AKAP19: variants seen among roughly 807,000 people sequenced by gnomAD.
AKAP19 encodes small A-kinase anchoring protein.
the AKAP19 span, among the ~76,000 whole-genome samples, chr2:189,984,316 G>A: frequency 1.3e-5 from 2 of 152,102 alleles, no homozygotes; most frequent in African/African-American, 4.8e-5. Flanking sequence ...ACCCCTAGGT[G>A]CGCATTCTCT....
the AKAP19 span, among the ~76,000 whole-genome samples, chr2:189,972,003 A>T: frequency 1.3e-5 from 2 of 151,956 alleles, no homozygotes; most frequent in East Asian, 1.9e-4. Context: ...CCCATTTGTC[A>T]ATTTTGGCTT....
At chr2:190,064,116 A>T in the AKAP19 span, among the ~76,000 whole-genome samples, 1 of 152,090 alleles carries the variant, frequency 6.6e-6, no homozygotes, top group Non-Finnish European at 1.5e-5. Flanking sequence ...CTAAAATGCA[A>T]CTCAGTAGCC....
the AKAP19 span, among the ~76,000 whole-genome samples, chr2:189,992,231 T>G: frequency 1.3e-5 from 2 of 151,978 alleles, no homozygotes; most frequent in Non-Finnish European, 2.9e-5. Context: ...AATTTTTGTA[T>G]TTTTAGTAGA....
chr2:189,952,304 T>C, the AKAP19 span, among the ~76,000 whole-genome samples: 3 of 152,206 alleles, frequency 2.0e-5, no homozygotes, highest in African/African-American at 7.2e-5. Context: ...AAGAAAGTTT[T>C]TCCTCCCCTA....
chr2:189,907,998 A>G, the AKAP19 span, among the ~76,000 whole-genome samples: 3 of 151,972 alleles, frequency 2.0e-5, no homozygotes, highest in Admixed American at 1.3e-4. Context: ...TGTCAAAAAA[A>G]TCGTTCTTAG....
the AKAP19 span, among the ~76,000 whole-genome samples, chr2:189,908,572 T>C: frequency 1.3e-5 from 2 of 152,206 alleles, no homozygotes; most frequent in Non-Finnish European, 2.9e-5. Flanking sequence ...TTTTTGTTTA[T>C]CTTAAGATAC....
the AKAP19 span, among the ~76,000 whole-genome samples, chr2:189,911,918 T>C: frequency 1.3e-5 from 2 of 152,036 alleles, no homozygotes; most frequent in Admixed American, 6.5e-5. Flanking sequence ...CTCAATTGTT[T>C]CTTTTAATAA....
the AKAP19 span, among the ~76,000 whole-genome samples, chr2:190,149,910 T>C: frequency 6.6e-6 from 1 of 152,226 alleles, no homozygotes; most frequent in Non-Finnish European, 1.5e-5. Context: ...GTGCTGTCAG[T>C]GGAGTATTGA....
the AKAP19 span, among the ~76,000 whole-genome samples, chr2:190,106,289 T>C: frequency 1.8e-3 from 271 of 152,352 alleles, no homozygotes; most frequent in African/African-American, 6.0e-3. Context: ...GAACATTTTG[T>C]CACTGGAGGT....
the AKAP19 span, chr2:190,062,780 G>C: frequency 1.7e-6 from 1 of 579,218 alleles, no homozygotes; most frequent in Non-Finnish European, 3.0e-6. Flanking sequence ...GATGAGACAA[G>C]TGTCGTCAGG....
chr2:190,020,945 T>C, the AKAP19 span, among the ~76,000 whole-genome samples: 1 of 152,230 alleles, frequency 6.6e-6, no homozygotes, highest in Non-Finnish European at 1.5e-5. Flanking sequence ...AGCATAATGT[T>C]ATATTAGCAT....
At chr2:189,940,503 T>C in the AKAP19 span, among the ~76,000 whole-genome samples, 3 of 151,766 alleles carry the variant, frequency 2.0e-5, no homozygotes, top group African/African-American at 2.4e-5. Flanking sequence ...GCCTACAAGA[T>C]ATAGAAAATT....
chr2:190,110,163 A>G, the AKAP19 span, among the ~76,000 whole-genome samples: 1 of 152,230 alleles, frequency 6.6e-6, no homozygotes, highest in Non-Finnish European at 1.5e-5. Flanking sequence ...CAACATCAGG[A>G]TGTCTGGATT....
chr2:190,131,447 A>G, the AKAP19 span, among the ~76,000 whole-genome samples: 1 of 152,282 alleles, frequency 6.6e-6, no homozygotes, highest in South Asian at 2.1e-4. Flanking sequence ...TGGAGGTTGA[A>G]GTGGCTTGAG....
At chr2:189,915,584 T>C in the AKAP19 span, among the ~76,000 whole-genome samples, 1 of 152,188 alleles carries the variant, frequency 6.6e-6, no homozygotes, top group South Asian at 2.1e-4. Context: ...ATTTGAAATT[T>C]AAAGTGTACA....
chr2:190,004,553 T>C, the AKAP19 span, among the ~76,000 whole-genome samples: 1 of 151,946 alleles, frequency 6.6e-6, no homozygotes, highest in Admixed American at 6.6e-5. Context: ...TTCTTTTGTG[T>C]CAACAAATAT....
chr2:189,953,352 T>C, the AKAP19 span, among the ~76,000 whole-genome samples: 3 of 152,040 alleles, frequency 2.0e-5, no homozygotes, highest in African/African-American at 7.3e-5. Context: ...CTTTTAGATA[T>C]AGGCCGGGCA....
At chr2:190,200,256 G>T in the AKAP19 span, 11 of 878,852 alleles carry the variant, frequency 1.3e-5, no homozygotes, top group Non-Finnish European at 2.0e-5. Flanking sequence ...ATTTAAAAAT[G>T]TGTCTACGAT....
the AKAP19 span, among the ~76,000 whole-genome samples, chr2:189,962,173 G>A: frequency 1.3e-5 from 2 of 152,034 alleles, no homozygotes; most frequent in Non-Finnish European, 2.9e-5. Flanking sequence ...GATATTTTTA[G>A]ATACATAAAT....
Sources: allele counts gnomAD v4.1 joint callset (sites outside exome capture counted in the v4.1 genomes callset), GRCh38; gene constraint gnomAD v4.1.1; transcripts MANE v1.5; gene names NCBI Gene and HGNC (gene_info 2026-07-23, HGNC 2026-07-21).